AGBL4: variants seen among roughly 807,000 people sequenced by gnomAD.
AGBL4 encodes the protein AGBL carboxypeptidase 4.
A neutral mutation model predicts 66.4 loss-of-function variants in AGBL4; 58 were observed. That is an observed-to-expected ratio of 0.87 (90% CI 0.71 to 1.09). The LOEUF (loss-of-function observed/expected upper bound fraction) is 1.09, where lower values mean the gene tolerates loss of function less well. AGBL4 is among the 50% of genes least tolerant of loss of function. The pLI is 0.00. For synonymous variants in AGBL4, 234 were observed against 222.9 expected, an observed-to-expected ratio of 1.05 and a Z score of -0.44; for missense variants, 579 against 631.0, an observed-to-expected ratio of 0.92 and a Z score of 0.88.
At chr1:49,038,259 C>T (rs1009548984) in intron 5 of AGBL4, among the ~76,000 whole-genome samples, 2 of 152,022 alleles carry the variant, frequency 1.3e-5, no homozygotes, top group Non-Finnish European at 2.9e-5. Context: ...TACATATGCA[C>T]ATAGGCAACA....
intron 4 of AGBL4, among the ~76,000 whole-genome samples, chr1:49,141,808 A>G (rs185655416): frequency 6.6e-6 from 1 of 152,318 alleles, no homozygotes; most frequent in African/African-American, 2.4e-5. Context: ...ATGTAACACG[A>G]TGACTATGAA....
intron 5 of AGBL4, among the ~76,000 whole-genome samples, chr1:48,919,758 T>C (rs1108428): frequency 0.11 from 16,096 of 152,198 alleles, 947 homozygotes; most frequent in African/African-American, 0.12. Flanking sequence ...CAATCAAAAA[T>C]GTCTCTAGAC....
intron 5 of AGBL4, among the ~76,000 whole-genome samples, chr1:48,883,775 A>G (rs1650017245): frequency 6.6e-6 from 1 of 152,218 alleles, no homozygotes; most frequent in East Asian, 1.9e-4. Context: ...AATAGTCTAC[A>G]GAGTTGGTAA....
At chr1:49,017,799 G>C (rs1018439547) in intron 5 of AGBL4, among the ~76,000 whole-genome samples, 1 of 152,182 alleles carries the variant, frequency 6.6e-6, no homozygotes, top group Non-Finnish European at 1.5e-5. Context: ...CTTCCAGAGA[G>C]GGGGCAGGAG....
chr1:49,978,934 T>G (rs1658817250), intron 1 of AGBL4, among the ~76,000 whole-genome samples: 1 of 152,216 alleles, frequency 6.6e-6, no homozygotes, highest in South Asian at 2.1e-4. Flanking sequence ...GGGTTTGGAC[T>G]GTGTGGGTAC....
At chr1:48,567,169 A>T (rs865960436) in intron 11 of AGBL4, among the ~76,000 whole-genome samples, 11 of 152,166 alleles carry the variant, frequency 7.2e-5, no homozygotes, top group Non-Finnish European at 1.5e-4. Flanking sequence ...CCTCCTTCAC[A>T]GGGTTATTGT....
At chr1:48,551,381 T>C (rs1644246102) in intron 11 of AGBL4, among the ~76,000 whole-genome samples, 1 of 152,152 alleles carries the variant, frequency 6.6e-6, no homozygotes, top group Non-Finnish European at 1.5e-5. Flanking sequence ...GATTAGAAAT[T>C]ATATATCCAA....
rs11313463 is a variant in AGBL4, at chr1:49,790,363, CAAAAA to C, written c.157+61028_157+61032del. On this transcript the variant is annotated intron_variant, in intron 2 of 13. Transcript: ENST00000371839. ...TGGGTGACAGAGTGAGATTCTATCT[CAAAAA>C]AAAAAAAAAAAAAAGAAGCTCAGTA... is the stretch of plus-strand genomic sequence containing the variant. Among the ~76,000 whole-genome samples, 18 of 98,992 alleles carry C rather than the reference CAAAAA, an allele frequency of 1.8e-4. No homozygotes were observed. In the South Asian group the frequency reaches 5.7e-3, roughly 31 times the overall value. 64.9% of individuals were successfully genotyped at this position (98,992 alleles called of 152,430 possible).
intron 7 of AGBL4, among the ~76,000 whole-genome samples, chr1:48,656,053 A>C (rs319994): frequency 0.5 from 75,448 of 152,102 alleles, 19,985 homozygotes; most frequent in Middle Eastern, 0.65. Context: ...CCTTCTGTAA[A>C]CAAGTTTGCC....
intron 3 of AGBL4, among the ~76,000 whole-genome samples, chr1:49,478,696 A>G (rs1452148538): frequency 1.3e-5 from 2 of 152,072 alleles, no homozygotes; most frequent in African/African-American, 2.4e-5. Flanking sequence ...AACACAGACT[A>G]TTATAACACT....
chr1:49,447,528 G>A (rs1646186462), intron 3 of AGBL4, among the ~76,000 whole-genome samples: 2 of 152,158 alleles, frequency 1.3e-5, no homozygotes, highest in African/African-American at 4.8e-5. Context: ...AATGGCACCT[G>A]CCACAGACAC....
At chr1:49,767,012 TCAACACCC>T (rs1287788747) in intron 2 of AGBL4, among the ~76,000 whole-genome samples, 1 of 152,078 alleles carries the variant, frequency 6.6e-6, no homozygotes, top group East Asian at 1.9e-4. Context: ...GTGGGAAACT[TCAACACCC>T]CACTGAGAGT....
At chr1:49,790,148 G>T (rs1482602904) in intron 2 of AGBL4, among the ~76,000 whole-genome samples, 1 of 152,118 alleles carries the variant, frequency 6.6e-6, no homozygotes, top group Admixed American at 6.5e-5. Flanking sequence ...GGAGGCCAAG[G>T]CGGGTGGATC....
chr1:48,683,515 G>T (rs1275458823), intron 6 of AGBL4, among the ~76,000 whole-genome samples: 1 of 152,148 alleles, frequency 6.6e-6, no homozygotes, highest in Non-Finnish European at 1.5e-5. Flanking sequence ...TCATGACTCA[G>T]AATCAGGATG....
intron 6 of AGBL4, among the ~76,000 whole-genome samples, chr1:48,830,853 G>A (rs879431731): frequency 2.2e-4 from 33 of 152,056 alleles, no homozygotes; most frequent in Non-Finnish European, 4.6e-4. Flanking sequence ...AAACGTAAAA[G>A]TTCATTCATC....
In AGBL4 at chr1:48,703,733, C is replaced by T. The variant is rs186530455; in HGVS notation, c.635-40492G>A. ...GGGCAATTAAGAAACAAAAACCCAT[C>T]TCTGAATTTTCCTTAGCACTAGAAT... On this transcript the variant is annotated intron_variant, in intron 6 of 13. Transcript: ENST00000371839. 1.2e-4 allele frequency among the ~76,000 whole-genome samples: 18 copies of T among 152,272 alleles called. No individual in the cohort carries two copies. In the East Asian group the frequency reaches 3.1e-3, roughly 26 times the overall value.
At chr1:49,338,264 C>G (rs1189787157) in intron 3 of AGBL4, among the ~76,000 whole-genome samples, 1 of 152,158 alleles carries the variant, frequency 6.6e-6, no homozygotes, top group Non-Finnish European at 1.5e-5. Context: ...CTTCTAAACA[C>G]TTTCTCATGC....
chr1:48,791,469 C>T (rs1479496374), intron 6 of AGBL4, among the ~76,000 whole-genome samples: 1 of 152,138 alleles, frequency 6.6e-6, no homozygotes, highest in Admixed American at 6.6e-5. Flanking sequence ...TCTGTTAATT[C>T]TCTAACACTT....
At chr1:48,742,698 A>G (rs1241442421) in intron 6 of AGBL4, 1 of 1,611,610 alleles carries the variant, frequency 6.2e-7, no homozygotes, top group Non-Finnish European at 8.5e-7. Flanking sequence ...TTGCTTCCTC[A>G]CTGAAAGTGC....
Sources: gnomAD v4.1 joint callset for allele counts (sites outside exome capture counted in the v4.1 genomes callset) on GRCh38, gnomAD v4.1.1 for gene constraint, MANE v1.5 for transcripts, NCBI Gene and HGNC (gene_info 2026-07-23, HGNC 2026-07-21) for gene names.